RCC1L: variants seen among roughly 807,000 people sequenced by gnomAD.
RCC1L encodes the protein RCC1-like G exchanging factor-like protein.
RCC1L carries 46 observed loss-of-function variants against 58.6 expected under a neutral mutation model. The observed-to-expected ratio is 0.79, with a 90% CI of 0.62 to 1.00. The LOEUF is 1.00. RCC1L is among the 50% of genes least tolerant of loss of function. The pLI, the probability that RCC1L is intolerant of heterozygous loss-of-function variation, is 0.00. For missense variants in RCC1L, 636 were observed against 623.6 expected, an observed-to-expected ratio of 1.02 and a Z score of -0.21; for synonymous variants, 281 against 262.9, an observed-to-expected ratio of 1.07 and a Z score of -0.67.
At position 75,042,259 on chromosome 7, in the gene RCC1L, T is replaced by C; in HGVS notation, c.*773A>G. ...AGATGTTTTTAAAGGGAAAGGCAAG[T>C]CACGCTACTAAATCAAACATTGTTC... On this transcript the variant is annotated 3_prime_UTR_variant, in exon 11 of 11. Transcript: ENST00000610322. 1 of 985,482 alleles carries C rather than the reference T, an allele frequency of 1.0e-6. No individual in the cohort carries two copies. Among genetic ancestry groups the C allele is most frequent in the South Asian group, 4.7e-5 (1 of 21,282 alleles). The allele number at this position is 985,482 out of a possible 1,614,324, so 61.0% of individuals were successfully genotyped here.
At chr7:75,051,236 GTA>G (rs1265701989) in intron 10 of RCC1L, among the ~76,000 whole-genome samples, 4 of 144,304 alleles carry the variant, frequency 2.8e-5, no homozygotes, top group African/African-American at 1.0e-4. Context: ...TATTATATAT[GTA>G]TATATATTTA....
At chr7:75,073,106 C>T (rs997784958) in intron 1 of RCC1L, among the ~76,000 whole-genome samples, 1 of 152,208 alleles carries the variant, frequency 6.6e-6, no homozygotes. Flanking sequence ...CAGCTAGCAG[C>T]GGTGGGGCCT....
intron 10 of RCC1L, among the ~76,000 whole-genome samples, chr7:75,045,458 G>GTGTGATCCCCAGGCCTGGC (rs1237105522): frequency 3.3e-5 from 5 of 152,162 alleles, no homozygotes; most frequent in Admixed American, 6.5e-5. Flanking sequence ...GGGATTCCAG[G>GTGTGATCCCCAGGCCTGGC]TGTGATCCCC....
At position 75,073,425 on chromosome 7, in the gene RCC1L, G is replaced by C. The variant is rs1456164481; in HGVS notation, c.313C>G (p.Leu105Val). ...GCCGCGGCCTGCACCTTTTGGTCCAGCTCCAGGCGATAGGGCACGGGCTGG... is the reference window on the plus strand; with the variant it reads ...GCCGCGGCCTGCACCTTTTGGTCCACCTCCAGGCGATAGGGCACGGGCTGG... Reference protein sequence around the residue: ...RIQPVPYRLELDQKISSAACG... With the variant: ...RIQPVPYRLEVDQKISSAACG... Residue 105 changes from leucine to valine, a missense_variant, in exon 1 of 11, where the codon CTG (leucine) becomes GTG (valine). Physicochemically the swap from Leu to Val is conservative, Grantham distance 32. Coordinates refer to ENST00000610322, the MANE Select transcript of RCC1L (RefSeq NM_030798.5). The C allele has an allele frequency of 4.6e-6, 6 of 1,308,934 alleles. No individual in the cohort carries two copies. The East Asian group carries it at 9.3e-5, about 20-fold the overall frequency. 81.1% of individuals were successfully genotyped at this position (1,308,934 alleles called of 1,614,324 possible).
intron 10 of RCC1L, among the ~76,000 whole-genome samples, chr7:75,046,330 C>T (rs1439194681): frequency 6.6e-6 from 1 of 152,246 alleles, no homozygotes; most frequent in Non-Finnish European, 1.5e-5. Flanking sequence ...GACTGGGCCC[C>T]GACCGCCTCT....
chr7:75,049,123 C>T (rs901704943), intron 10 of RCC1L, among the ~76,000 whole-genome samples: 216 of 152,292 alleles, frequency 1.4e-3, no homozygotes, highest in African/African-American at 3.7e-3. Context: ...TAAAGTTTTA[C>T]TCTTTTTTTC....
At chr7:75,063,524 A>G (rs1330828769) in intron 4 of RCC1L, among the ~76,000 whole-genome samples, 181 bp from the exon 5 acceptor site, 1 of 152,166 alleles carries the variant, frequency 6.6e-6, no homozygotes, top group Non-Finnish European at 1.5e-5. Context: ...AAAGCCAAAC[A>G]AAATCCTAGG....
intron 2 of RCC1L, among the ~76,000 whole-genome samples, chr7:75,069,286 G>A (rs587711288): frequency 3.3e-5 from 5 of 152,220 alleles, no homozygotes; most frequent in African/African-American, 1.2e-4. Context: ...TCAAACTCCT[G>A]GGCTCAAGCA....
chr7:75,030,981 C>T (rs1386566509), intron 10 of RCC1L, among the ~76,000 whole-genome samples: 1 of 152,206 alleles, frequency 6.6e-6, no homozygotes, highest in African/African-American at 2.4e-5. Flanking sequence ...GCAGGGTGAA[C>T]AGCAGGCCAA....
chr7:75,055,896 C>G lies in RCC1L; in HGVS notation c.1231+5G>C, dbSNP rs781859823. On this transcript the variant is annotated splice_donor_5th_base_variant and intron_variant, in intron 9 of 10. Coordinates refer to ENST00000610322, the MANE Select transcript of RCC1L (RefSeq NM_030798.5). ...ACACCAGGGCCACCGGGCTTGGTAA[C>G]TTACTGGTCAGTGCAGCAAAGTGGC... 2.5e-5 allele frequency: 41 copies of G among 1,613,856 alleles called. No homozygotes were observed.
Position 75,064,611 on chromosome 7 carries a change from T to A in RCC1L, c.621A>T (p.Gly207=). The A allele has an allele frequency of 6.2e-7, 1 of 1,613,864 alleles. No homozygotes were observed. Among genetic ancestry groups the A allele is most frequent in the African/African-American group, 1.3e-5 (1 of 75,028 alleles). ...SMGNNSYGQC[G]RKVVENEIYS... ...AAATTTCATTTTCGACCACCTTTCT[T>A]CCACATTGCCCATAAGAATTGTTTC... Residue 207 remains glycine, a synonymous_variant, in exon 4 of 11, where the codon GGA becomes GGT. Transcript: ENST00000610322.
rs587684503 is a variant in RCC1L at position 75,055,467 on chromosome 7, G to A, written c.1231+434C>T. On this transcript the variant is annotated intron_variant, in intron 9 of 10. Coordinates refer to ENST00000610322, the MANE Select transcript of RCC1L (RefSeq NM_030798.5). ...AAACCACGGGACAGTCTGACAAATC[G>A]GCCTTTTGCCATCCCATATCCTGGG... 2.5e-5 allele frequency: 5 copies of A among 202,284 alleles called. No homozygotes were observed. In the South Asian group the frequency reaches 3.5e-4, roughly 14 times the overall value. 12.5% of individuals were successfully genotyped at this position (202,284 alleles called of 1,614,324 possible).
intron 5 of RCC1L, among the ~76,000 whole-genome samples, chr7:75,062,182 A>G (rs1806297303): frequency 6.6e-6 from 1 of 151,868 alleles, no homozygotes; most frequent in African/African-American, 2.4e-5. Flanking sequence ...AAAAGAAACT[A>G]TCTTGGAGAT....
At chr7:75,062,750 G>A (rs1806316471) in intron 5 of RCC1L, among the ~76,000 whole-genome samples, 3 of 152,134 alleles carry the variant, frequency 2.0e-5, no homozygotes, top group Admixed American at 2.0e-4. Flanking sequence ...ACCACATCCG[G>A]CCTCAGTTAG....
At chr7:75,029,253 C>A (rs1289595245) in intron 10 of RCC1L, among the ~76,000 whole-genome samples, 1 of 152,192 alleles carries the variant, frequency 6.6e-6, no homozygotes, top group African/African-American at 2.4e-5. Context: ...ACCCTGGGCC[C>A]CTTTCTGAGC....
chr7:75,072,740 G>A (rs1806809729), intron 1 of RCC1L, among the ~76,000 whole-genome samples: 1 of 152,152 alleles, frequency 6.6e-6, no homozygotes, highest in Non-Finnish European at 1.5e-5. Flanking sequence ...AGCACTTTGG[G>A]AGGCCAAGGC....
intron 10 of RCC1L, among the ~76,000 whole-genome samples, chr7:75,034,517 A>AAAAAC (rs1190666472): frequency 2.0e-5 from 3 of 152,196 alleles, no homozygotes; most frequent in Admixed American, 1.3e-4. Flanking sequence ...CTCCATCTCC[A>AAAAAC]AAAACAAAAC....
At chr7:75,051,218 T>C in intron 10 of RCC1L, among the ~76,000 whole-genome samples, 1 of 147,588 alleles carries the variant, frequency 6.8e-6, no homozygotes, top group South Asian at 2.1e-4. Flanking sequence ...AAACGTATAA[T>C]ATAAATGTAT....
At chr7:75,071,207 T>C (rs1028165784) in intron 1 of RCC1L, among the ~76,000 whole-genome samples, 2 of 152,166 alleles carry the variant, frequency 1.3e-5, no homozygotes, top group Non-Finnish European at 2.9e-5. Flanking sequence ...GCATTTACTA[T>C]ATGTTTGATA....
Sources: gnomAD v4.1 joint callset for allele counts (sites outside exome capture counted in the v4.1 genomes callset) on GRCh38, gnomAD v4.1.1 for gene constraint, MANE v1.5 for transcripts, NCBI Gene and HGNC (gene_info 2026-07-23, HGNC 2026-07-21) for gene names.